TRIO: variants seen among roughly 807,000 people sequenced by gnomAD.
TRIO encodes the protein trio Rho guanine nucleotide exchange factor.
In TRIO, 58 loss-of-function variants were observed where a neutral mutation model predicts 351.9. The ratio of observed to expected loss-of-function variants is 0.16; its 90% CI spans 0.13 to 0.21. The LOEUF (loss-of-function observed/expected upper bound fraction) is 0.21. Among genes scored for constraint, TRIO ranks in the 10% least tolerant of loss-of-function variants. TRIO has a pLI of 1.00. For synonymous variants in TRIO, 1,758 were observed against 1,595.7 expected, an observed-to-expected ratio of 1.10 and a Z score of -2.42; for missense variants, 3,201 against 4,027.8, an observed-to-expected ratio of 0.79 and a Z score of 5.56.
At chr5:14,175,039 T>C (rs909362588) in intron 1 of TRIO, among the ~76,000 whole-genome samples, 1 of 152,214 alleles carries the variant, frequency 6.6e-6, no homozygotes, top group Non-Finnish European at 1.5e-5. Flanking sequence ...TTAAAATCTT[T>C]TGATGATCAT....
At chr5:14,247,629 A>G (rs1794511604) in intron 1 of TRIO, among the ~76,000 whole-genome samples, 1 of 152,210 alleles carries the variant, frequency 6.6e-6, no homozygotes, top group African/African-American at 2.4e-5. Context: ...TTTGCATTAT[A>G]TTGCACTTAA....
intron 43 of TRIO, among the ~76,000 whole-genome samples, chr5:14,480,226 A>C (rs554107835): frequency 3.9e-5 from 6 of 152,354 alleles, no homozygotes; most frequent in Middle Eastern, 3.4e-3. Flanking sequence ...TTTGCTGAAA[A>C]AATAAGACTC....
intron 41 of TRIO, chr5:14,477,209 A>G (rs1755148627): frequency 4.5e-6 from 2 of 444,576 alleles, no homozygotes; most frequent in Non-Finnish European, 8.0e-6. Flanking sequence ...AGAGAAGACC[A>G]GAGCCAGGCC....
chr5:14,359,371 C>T lies in TRIO; in HGVS notation c.2231C>T (p.Ser744Phe). 1 of 1,613,508 alleles carries T rather than the reference C, an allele frequency of 6.2e-7. No individual in the cohort carries two copies. Among genetic ancestry groups the T allele is most frequent in the Non-Finnish European group, 8.5e-7 (1 of 1,179,412 alleles). ...TGCTCTCGCAGGGACTCTGCCATCT[C>T]CAGTAACAAGACCCCCCACAACAGC... ...LIQQLRDSAI[S>F]SNKTPHNSSI... Residue 744 changes from serine to phenylalanine, a missense_variant, in exon 13 of 57, where the codon TCC becomes TTC. Transcript: ENST00000344204.
At chr5:14,339,193 C>T (rs11133785) in intron 11 of TRIO, among the ~76,000 whole-genome samples, 15,699 of 152,106 alleles carry the variant, frequency 0.1, 1,404 homozygotes, top group African/African-American at 0.24. Flanking sequence ...GCCGAGATCA[C>T]ACCATTGCAC....
chr5:14,503,320 T>G, intron 54 of TRIO, among the ~76,000 whole-genome samples: 1 of 152,256 alleles, frequency 6.6e-6, no homozygotes, highest in Non-Finnish European at 1.5e-5. Flanking sequence ...CATTCATTCC[T>G]GAGGTCATAA....
intron 6 of TRIO, 109 bp from the exon 7 acceptor site, chr5:14,296,963 T>A (rs1737413805): frequency 1.2e-6 from 1 of 806,956 alleles, no homozygotes; most frequent in East Asian, 2.5e-5. Flanking sequence ...GGGAGAGATG[T>A]GATCACTGTT....
At chr5:14,249,501 G>C (rs12659261) in intron 1 of TRIO, among the ~76,000 whole-genome samples, 21,380 of 152,166 alleles carry the variant, frequency 0.14, 1,998 homozygotes, top group East Asian at 0.38. Flanking sequence ...TGTGGTTCAG[G>C]CTTCATTTGT....
chr5:14,498,401 A>G lies in TRIO; in HGVS notation c.8211-118A>G, dbSNP rs980186423. ...GAGAGCCCATTTCACGCCTGGGTGT[A>G]CAGCTCCTCATCAGCACTTGAGCTC... On this transcript the variant is annotated intron_variant, in intron 52 of 56. Coordinates refer to ENST00000344204, the MANE Select transcript of TRIO (RefSeq NM_007118.4). The G allele has an allele frequency of 4.6e-6, 7 of 1,513,028 alleles. No homozygotes were observed. In the African/African-American group the frequency reaches 5.5e-5, roughly 12 times the overall value. 93.7% of individuals were successfully genotyped at this position (1,513,028 alleles called of 1,614,324 possible). A position where few individuals can be genotyped will look rare whatever the true frequency, so the allele number is the denominator to read the frequency against.
At chr5:14,297,605 T>C (rs1737475173) in intron 7 of TRIO, 1 of 191,620 alleles carries the variant, frequency 5.2e-6, no homozygotes, top group African/African-American at 2.3e-5. Context: ...CTTCCCCTCC[T>C]CTCCTGGCTC....
In TRIO at chr5:14,445,919, C is replaced by T. The variant is rs139159831; in HGVS notation, c.5204-15100C>T. ...AAAAAGAAAGACAGCACAGTGCCCA[C>T]CACAGGCACTCTGAGCCCCAGCCCC... On this transcript the variant is annotated intron_variant, in intron 34 of 56. Coordinates refer to ENST00000344204, the MANE Select transcript of TRIO (RefSeq NM_007118.4). 1.5e-3 allele frequency among the ~76,000 whole-genome samples: 227 copies of T among 152,342 alleles called. 1 individual carries two copies. Among genetic ancestry groups the T allele is most frequent in the African/African-American group, 5.3e-3 (221 of 41,580 alleles).
In TRIO at chr5:14,234,010, A is replaced by C. The variant is rs372494872; in HGVS notation, c.158-36815A>C. On this transcript the variant is annotated intron_variant, in intron 1 of 56. Coordinates refer to ENST00000344204, the MANE Select transcript of TRIO (RefSeq NM_007118.4). Reference sequence around the variant, plus strand: ...ACAGGGTGTCACTGTTTCCCAGGCTAGTCTCAAACTCCTGGCCTCAAGTGA... The same window carrying C: ...ACAGGGTGTCACTGTTTCCCAGGCTCGTCTCAAACTCCTGGCCTCAAGTGA... Among the ~76,000 whole-genome samples, 9 of 152,258 alleles carry C rather than the reference A, an allele frequency of 5.9e-5. No individual in the cohort carries two copies. The East Asian group carries it at 7.7e-4, about 13-fold the overall frequency.
At chr5:14,225,034 T>G (rs989290685) in intron 1 of TRIO, among the ~76,000 whole-genome samples, 9 of 152,110 alleles carry the variant, frequency 5.9e-5, no homozygotes, top group African/African-American at 2.2e-4. Context: ...CCTGAGCAGT[T>G]TCTGTTATTT....
intron 1 of TRIO, among the ~76,000 whole-genome samples, chr5:14,165,474 T>C (rs1189120058): frequency 6.6e-6 from 1 of 152,226 alleles, no homozygotes; most frequent in Non-Finnish European, 1.5e-5. Flanking sequence ...TATTCCATGG[T>C]GTATATGTAC....
At chr5:14,394,693 C>T (rs1335511180) in intron 28 of TRIO, among the ~76,000 whole-genome samples, 2 of 152,132 alleles carry the variant, frequency 1.3e-5, no homozygotes, top group Non-Finnish European at 2.9e-5. Flanking sequence ...TCCATACAGA[C>T]CGCAAGTATT....
chr5:14,285,984 T>A (rs1440158431), intron 3 of TRIO, among the ~76,000 whole-genome samples: 1 of 152,196 alleles, frequency 6.6e-6, no homozygotes, highest in African/African-American at 2.4e-5. Context: ...TTAACCTGTG[T>A]TTAAGGACAC....
chr5:14,395,582 C>A (rs1179788475), intron 28 of TRIO, among the ~76,000 whole-genome samples: 1 of 152,180 alleles, frequency 6.6e-6, no homozygotes, highest in Non-Finnish European at 1.5e-5. Context: ...GTTTGCCATG[C>A]TGCTTAGAAT....
intron 8 of TRIO, among the ~76,000 whole-genome samples, chr5:14,306,468 T>C (rs529578008): frequency 1.3e-5 from 2 of 152,374 alleles, no homozygotes; most frequent in Admixed American, 1.3e-4. Flanking sequence ...GCCATCTCTA[T>C]GCATTGTCTA....
At chr5:14,423,332 G>A (rs192269406) in intron 34 of TRIO, among the ~76,000 whole-genome samples, 2 of 152,366 alleles carry the variant, frequency 1.3e-5, no homozygotes, top group Admixed American at 6.5e-5. Flanking sequence ...CGAGTGTGTA[G>A]TACGTGGGCT....
Sources: allele counts gnomAD v4.1 joint callset (sites outside exome capture counted in the v4.1 genomes callset), GRCh38; gene constraint gnomAD v4.1.1; transcripts MANE v1.5; gene names NCBI Gene and HGNC (gene_info 2026-07-23, HGNC 2026-07-21).